Variants in OGG1 observed in about 807,000 individuals in gnomAD.
The protein encoded by OGG1 is N-glycosylase/DNA lyase.
In OGG1, 35 loss-of-function variants were observed where a neutral mutation model predicts 42.3. That is an observed-to-expected ratio of 0.83 (90% confidence interval 0.63 to 1.10). The LOEUF is 1.10. Ranked by LOEUF, OGG1 falls within the 50% of genes least tolerant of loss-of-function variation. The pLI is 0.00. For missense variants in OGG1, 484 were observed against 446.7 expected, an observed-to-expected ratio of 1.08 and a Z score of -0.75; for synonymous variants, 189 against 179.0, an observed-to-expected ratio of 1.06 and a Z score of -0.44.
At chr3:9,789,751 G>A (rs760618790), downstream of OGG1, 13 of 1,614,046 alleles carry the variant, frequency 8.1e-6, no homozygotes, top group Admixed American at 3.3e-5. Flanking sequence ...GTGGCACGTC[G>A]ATAGGGTCAT....
At chr3:9,790,052 T>C (rs911604807), downstream of OGG1, 1 of 1,443,218 alleles carries the variant, frequency 6.9e-7, no homozygotes, top group East Asian at 2.4e-5. Context: ...ATCTAGAATC[T>C]ACAGAGGCTC....
chr3:9,752,065 A>G, intron 3 of OGG1, 116 bp downstream of exon 3: 3 of 955,958 alleles, frequency 3.1e-6, no homozygotes, highest in East Asian at 5.2e-5. Context: ...CCCTATCCAG[A>G]ACCGCCCTGC....
downstream of OGG1, chr3:9,760,945 G>A (rs989898186): frequency 5.7e-5 from 55 of 972,792 alleles, no homozygotes; most frequent in Admixed American, 8.4e-5. Flanking sequence ...TCTGTTCCTT[G>A]TATGTGCCGC....
At chr3:9,785,469 A>C (rs1483934415) in intron 3 of OGG1, 1 of 1,357,024 alleles carries the variant, frequency 7.4e-7, no homozygotes, top group Non-Finnish European at 1.0e-6. Flanking sequence ...TAGCTGTTCC[A>C]CTTTCCTGCT....
chr3:9,784,772 G>A (rs913730803), intron 3 of OGG1, among the ~76,000 whole-genome samples: 3 of 151,686 alleles, frequency 2.0e-5, no homozygotes, highest in African/African-American at 7.3e-5. Flanking sequence ...GCTGAGGCAG[G>A]AGAATCGCTT....
At chr3:9,761,176 T>C (rs2077847548), downstream of OGG1, 2 of 391,910 alleles carry the variant, frequency 5.1e-6, no homozygotes, top group Non-Finnish European at 9.3e-6. Context: ...TTTGTAGATT[T>C]ATTTACTTGT....
chr3:9,787,424 A>C (rs756609860), intron 3 of OGG1: 83 of 1,509,776 alleles, frequency 5.5e-5, no homozygotes, highest in Middle Eastern at 1.8e-4. Flanking sequence ...CCTATCTTAT[A>C]TCTCTCTCAA....
chr3:9,777,278 G>T (rs1235441248), intron 2 of OGG1, among the ~76,000 whole-genome samples: 2 of 152,208 alleles, frequency 1.3e-5, no homozygotes, highest in Non-Finnish European at 2.9e-5. Context: ...GAATTGTTTT[G>T]AATTAAATTT....
At chr3:9,767,274 C>G (rs1489982929), downstream of OGG1, among the ~76,000 whole-genome samples, 2 of 152,182 alleles carry the variant, frequency 1.3e-5, no homozygotes, top group Non-Finnish European at 2.9e-5. Flanking sequence ...TTCTGTAGGT[C>G]TGTCTCTTGC....
At chr3:9,768,755 C>G (rs976004025), downstream of OGG1, among the ~76,000 whole-genome samples, 9 of 152,216 alleles carry the variant, frequency 5.9e-5, no homozygotes, top group African/African-American at 2.2e-4. Flanking sequence ...AGAGCACTTT[C>G]CTTCTCTCTT....
At chr3:9,774,454 T>G (rs12485599) in intron 2 of OGG1, among the ~76,000 whole-genome samples, 65,667 of 151,166 alleles carry the variant, frequency 0.43, 15,438 homozygotes, top group Non-Finnish European at 0.52. Context: ...TGTTACTTTT[T>G]TTTAACTTTT....
At chr3:9,782,475 T>C (rs549549092) in intron 3 of OGG1, among the ~76,000 whole-genome samples, 2 of 152,316 alleles carry the variant, frequency 1.3e-5, no homozygotes, top group South Asian at 2.1e-4. Context: ...CAGCATACAT[T>C]AGTCACTCTT....
downstream of OGG1, chr3:9,758,104 T>C (rs1445025656): frequency 2.3e-6 from 1 of 431,958 alleles, no homozygotes; most frequent in Non-Finnish European, 4.1e-6. Context: ...TAATATGTAA[T>C]AGCAAACACT....
chr3:9,783,913 T>G (rs1171961520), intron 3 of OGG1: 2 of 1,411,158 alleles, frequency 1.4e-6, no homozygotes, highest in Non-Finnish European at 1.9e-6. Context: ...GCTCTCCAGG[T>G]GATTTAGAGG....
chr3:9,753,447 T>A (rs1238203376), intron 3 of OGG1, among the ~76,000 whole-genome samples: 3 of 150,734 alleles, frequency 2.0e-5, no homozygotes, highest in Non-Finnish European at 4.4e-5. Context: ...GGTCAGGAGA[T>A]CAAGACCATC....
At chr3:9,780,655 G>T in intron 2 of OGG1, 2 of 1,214,464 alleles carry the variant, frequency 1.6e-6, no homozygotes, top group Non-Finnish European at 2.3e-6. Flanking sequence ...GCATGCCTGT[G>T]GATTGTGTCA....
At chr3:9,782,406 GGTT>G (rs2078497069) in intron 3 of OGG1, among the ~76,000 whole-genome samples, 1 of 152,142 alleles carries the variant, frequency 6.6e-6, no homozygotes, top group Admixed American at 6.5e-5. Flanking sequence ...CTCCCTCCTG[GGTT>G]GTTGTCAAGA....
chr3:9,787,500 G>GAAAAAAA lies in OGG1; in HGVS notation c.383-228_383-227insAAAAAAA, dbSNP rs1159488124. The GAAAAAAA allele has an allele frequency of 1.7e-3, 1,890 of 1,107,720 alleles. 20 individuals carry two copies. The African/African-American group carries it at 0.027, about 16-fold the overall frequency. The allele number at this position is 1,107,720 out of a possible 1,614,324, so 68.6% of individuals were successfully genotyped here. A position where few individuals can be genotyped will look rare whatever the true frequency, so the allele number is the denominator to read the frequency against. On this transcript the variant is annotated intron_variant, in intron 3 of 3. Transcript: ENST00000426518. ...AGAAAGTACAACGAAGATAAAACCT[G>GAAAAAAA]TACTTCACACTCTAGTAAGGGAGAC...
At chr3:9,787,581 G>A in intron 3 of OGG1, 1 of 1,033,492 alleles carries the variant, frequency 9.7e-7, no homozygotes, top group Admixed American at 2.8e-5. Flanking sequence ...TAATTCCCAA[G>A]ATAGAAGGTG....
Sources: allele counts gnomAD v4.1 joint callset (sites outside exome capture counted in the v4.1 genomes callset), GRCh38; gene constraint gnomAD v4.1.1; transcripts MANE v1.5; gene names NCBI Gene and HGNC (gene_info 2026-07-23, HGNC 2026-07-21).